ITPR1: variants seen among roughly 807,000 people sequenced by gnomAD.
The protein encoded by ITPR1 is inositol 1,4,5-trisphosphate receptor type 1.
In ITPR1, 96 loss-of-function variants were observed where a neutral mutation model predicts 318.4. The observed-to-expected ratio is 0.30, with a 90% CI of 0.26 to 0.36. The LOEUF (loss-of-function observed/expected upper bound fraction) is 0.36, where lower values mean the gene tolerates loss of function less well. Among genes scored for constraint, ITPR1 ranks in the 10% least tolerant of loss-of-function variants. The pLI, the probability that ITPR1 is intolerant of heterozygous loss-of-function variation, is 1.00. For missense variants in ITPR1, 2,440 were observed against 3,460.2 expected, an observed-to-expected ratio of 0.71 and a Z score of 7.40; for synonymous variants, 1,312 against 1,289.9, an observed-to-expected ratio of 1.02 and a Z score of -0.37.
intron 24 of ITPR1, 89 bp from the exon 25 acceptor site, chr3:4,680,464 C>T: frequency 1.7e-6 from 2 of 1,184,192 alleles, no homozygotes; most frequent in Non-Finnish European, 2.5e-6. Context: ...GCAGCTGATA[C>T]CAGGCCCCGC....
At chr3:4,541,153 A>G (rs1228762721) in intron 4 of ITPR1, among the ~76,000 whole-genome samples, 1 of 151,868 alleles carries the variant, frequency 6.6e-6, no homozygotes, top group Non-Finnish European at 1.5e-5. Flanking sequence ...TGCATATTAG[A>G]TATGATTTTG....
intron 39 of ITPR1, among the ~76,000 whole-genome samples, chr3:4,712,328 G>A (rs913155074): frequency 2.6e-5 from 4 of 152,148 alleles, no homozygotes; most frequent in Non-Finnish European, 4.4e-5. Context: ...AGGCATACAC[G>A]TCACCACTTC....
chr3:4,840,009 G>A (rs1313150829), intron 61 of ITPR1, among the ~76,000 whole-genome samples: 1 of 138,636 alleles, frequency 7.2e-6, no homozygotes, highest in Non-Finnish European at 1.5e-5. Context: ...CAGAATTACA[G>A]GAAAAATTCA....
At chr3:4,680,478 T>C (rs907282331) in intron 24 of ITPR1, 75 bp from the exon 25 acceptor site, 1 of 1,320,524 alleles carries the variant, frequency 7.6e-7, no homozygotes, top group Non-Finnish European at 1.1e-6. Flanking sequence ...GCCCCGCCAG[T>C]GTGTGGTGGC....
intron 40 of ITPR1, among the ~76,000 whole-genome samples, chr3:4,723,251 A>G (rs1019814823): frequency 6.6e-6 from 1 of 152,218 alleles, no homozygotes; most frequent in African/African-American, 2.4e-5. Context: ...AGGGCCACAC[A>G]GAGAGCCAGA....
Position 4,674,202 on chromosome 3 carries a change from C to G in ITPR1, c.2457C>G (p.Asp819Glu). ...SEIPSEIAID[D>E]YDSSGASKDE... The stretch of plus-strand genomic sequence containing the variant: ...TCCTTTCTTTCTCCTTTCTTTTCAG[C>G]TATGATAGTAGTGGAGCTTCCAAAG... Residue 819 changes from aspartate (D) to glutamate (E), a missense_variant and splice_region_variant, in exon 22 of 62, where the codon GAC (aspartate) becomes GAG (glutamate). Physicochemically the swap from Asp to Glu is conservative, Grantham distance 45 (BLOSUM62 2). Coordinates refer to ENST00000649015, the MANE Select transcript of ITPR1 (RefSeq NM_001378452.1). 1 of 1,541,992 alleles carries G rather than the reference C, an allele frequency of 6.5e-7. No homozygotes were observed. Among genetic ancestry groups the G allele is most frequent in the Non-Finnish European group, 8.7e-7 (1 of 1,144,488 alleles).
chr3:4,626,832 T>G (rs1034138285), intron 4 of ITPR1, among the ~76,000 whole-genome samples: 1 of 152,188 alleles, frequency 6.6e-6, no homozygotes, highest in Non-Finnish European at 1.5e-5. Flanking sequence ...TATGTATTTA[T>G]TTTTGAGACA....
At chr3:4,679,487 G>C (rs1231887661) in intron 24 of ITPR1, among the ~76,000 whole-genome samples, 1 of 152,198 alleles carries the variant, frequency 6.6e-6, no homozygotes, top group Non-Finnish European at 1.5e-5. Context: ...GCTCTGATGG[G>C]CAGGAGAAGA....
At chr3:4,593,554 A>G (rs17041001) in intron 4 of ITPR1, among the ~76,000 whole-genome samples, 28,912 of 152,182 alleles carry the variant, frequency 0.19, 3,712 homozygotes, top group East Asian at 0.41. Context: ...TAGAAGCCTC[A>G]AATTTGATTC....
intron 37 of ITPR1, among the ~76,000 whole-genome samples, chr3:4,707,202 T>C (rs1190820781): frequency 2.6e-4 from 40 of 152,226 alleles, no homozygotes; most frequent in Admixed American, 2.6e-3. Context: ...GTTACCTGTA[T>C]TTCGTGCAGT....
rs905280673 is a variant in ITPR1, at chr3:4,765,618, G to A, written c.5545-912G>A. On this transcript the variant is annotated intron_variant, in intron 44 of 61. Transcript: ENST00000649015. ...TTTCCAAATGGAAAGATTTGAAATT[G>A]GCAGAAGATACACTGGAAGAAGCAA... Among the ~76,000 whole-genome samples, 10 of 152,102 alleles carry A rather than the reference G, an allele frequency of 6.6e-5. No individual in the cohort carries two copies. The East Asian group carries it at 1.9e-3, about 29-fold the overall frequency.
At chr3:4,771,566 T>G (rs1469573898) in intron 46 of ITPR1, among the ~76,000 whole-genome samples, 1 of 152,162 alleles carries the variant, frequency 6.6e-6, no homozygotes, top group Non-Finnish European at 1.5e-5. Context: ...TCTTCAGATT[T>G]TTAGTTTTAT....
At chr3:4,672,019 C>G (rs1398961982) in intron 20 of ITPR1, among the ~76,000 whole-genome samples, 2 of 152,120 alleles carry the variant, frequency 1.3e-5, no homozygotes, top group African/African-American at 4.8e-5. Flanking sequence ...GAGATTAATC[C>G]ATTTCTGTAA....
At chr3:4,671,999 T>A (rs1201116016) in intron 20 of ITPR1, among the ~76,000 whole-genome samples, 1 of 152,254 alleles carries the variant, frequency 6.6e-6, no homozygotes, top group African/African-American at 2.4e-5. Context: ...TGAATATATC[T>A]GCGTTAATAG....
At chr3:4,571,227 G>A (rs774839924) in intron 4 of ITPR1, among the ~76,000 whole-genome samples, 1 of 152,220 alleles carries the variant, frequency 6.6e-6, no homozygotes. Flanking sequence ...TGGATACAAG[G>A]AGGAGTGAAG....
chr3:4,522,588 C>G (rs73807285), intron 4 of ITPR1, among the ~76,000 whole-genome samples: 1 of 152,280 alleles, frequency 6.6e-6, no homozygotes, highest in African/African-American at 2.4e-5. Flanking sequence ...GAACCCAAGG[C>G]GGCTACTGCC....
chr3:4,833,713 C>G (rs982264335), intron 60 of ITPR1, among the ~76,000 whole-genome samples: 7 of 152,224 alleles, frequency 4.6e-5, no homozygotes, highest in Non-Finnish European at 7.3e-5. Context: ...ACACTGGAGC[C>G]TCACTGTGCC....
intron 4 of ITPR1, among the ~76,000 whole-genome samples, chr3:4,600,484 T>TTG (rs34131722): frequency 0.49 from 74,033 of 150,482 alleles, 19,856 homozygotes; most frequent in East Asian, 0.62. Context: ...CCTTCCTGTT[T>TTG]TGTGTGTGTG....
chr3:4,831,448 G>A (rs2050505824), intron 60 of ITPR1: 2 of 168,044 alleles, frequency 1.2e-5, no homozygotes, highest in African/African-American at 2.4e-5. Flanking sequence ...TATGTGAGAT[G>A]CCAGCAGCAA....
Sources: allele counts gnomAD v4.1 joint callset (sites outside exome capture counted in the v4.1 genomes callset), GRCh38; gene constraint gnomAD v4.1.1; transcripts MANE v1.5; gene names NCBI Gene and HGNC (gene_info 2026-07-23, HGNC 2026-07-21).